The following ARFIP1 variants were observed in gnomAD, a reference collection of about 807,000 sequenced individuals.
ARFIP1 encodes the protein arfaptin-1.
Under a neutral mutation model 42.5 loss-of-function variants are expected in ARFIP1, and 24 were observed. That is an observed-to-expected ratio of 0.57 (90% CI 0.41 to 0.80). ARFIP1 has a LOEUF of 0.80. ARFIP1 is among the 30% of genes least tolerant of loss of function. The pLI, the probability that ARFIP1 is intolerant of heterozygous loss-of-function variation, is 0.00. For missense variants in ARFIP1, 354 were observed against 434.0 expected (o/e 0.82, Z 1.64); for synonymous variants, 141 against 153.7 (o/e 0.92, Z 0.61).
chr4:152,804,276 ATAAC>A (rs1384122355), intron 1 of ARFIP1, among the ~76,000 whole-genome samples: 4 of 88,654 alleles, frequency 4.5e-5, no homozygotes, highest in Non-Finnish European at 6.1e-5. Flanking sequence ...TATTATATAT[ATAAC>A]ATAACATGTA....
intron 8 of ARFIP1, among the ~76,000 whole-genome samples, chr4:152,889,774 C>CTA (rs1296430021): frequency 2.2e-4 from 8 of 35,972 alleles, no homozygotes; most frequent in South Asian, 1.0e-3. Context: ...ATACTATATA[C>CTA]TATATATACT....
At chr4:152,848,833 C>T (rs1161012702) in intron 2 of ARFIP1, among the ~76,000 whole-genome samples, 1 of 152,166 alleles carries the variant, frequency 6.6e-6, no homozygotes, top group Non-Finnish European at 1.5e-5. Flanking sequence ...CTAGGGTTTT[C>T]ATAGCATGTG....
intron 1 of ARFIP1, among the ~76,000 whole-genome samples, chr4:152,817,735 A>G (rs1730016390): frequency 6.6e-6 from 1 of 152,248 alleles, no homozygotes; most frequent in Non-Finnish European, 1.5e-5. Flanking sequence ...TATATAAAGG[A>G]CTTGTATAAC....
At chr4:152,823,250 G>A (rs879527346) in intron 1 of ARFIP1, among the ~76,000 whole-genome samples, 2 of 152,066 alleles carry the variant, frequency 1.3e-5, no homozygotes, top group Non-Finnish European at 2.9e-5. Flanking sequence ...AACATCATTC[G>A]AGACTACTGT....
At chr4:152,892,872 T>C (rs1163031245) in intron 8 of ARFIP1, among the ~76,000 whole-genome samples, 1 of 152,246 alleles carries the variant, frequency 6.6e-6, no homozygotes, top group Admixed American at 6.5e-5. Context: ...CATTGAGTTG[T>C]GTAGCAGTAA....
rs560130714 is a variant in ARFIP1, at chr4:152,865,172, C to T, written c.202+1458C>T. 5.3e-5 allele frequency among the ~76,000 whole-genome samples: 8 copies of T among 151,844 alleles called. No homozygotes were observed. The East Asian group carries it at 1.5e-3, about 29-fold the overall frequency. ...TTTTTTTTAAAGATGTAGTCTCACT[C>T]TGTTGCCCAGGCTGGAGTGCAGTGG... On this transcript the variant is annotated intron_variant, in intron 3 of 8. Transcript: ENST00000353617.
At chr4:152,816,100 T>C (rs778489949) in intron 1 of ARFIP1, among the ~76,000 whole-genome samples, 18 of 152,180 alleles carry the variant, frequency 1.2e-4, no homozygotes, top group Non-Finnish European at 2.2e-4. Context: ...GCTACTATCA[T>C]CTCTTGCCTA....
chr4:152,788,158 G>T (rs1254868671), intron 1 of ARFIP1, among the ~76,000 whole-genome samples: 2 of 152,106 alleles, frequency 1.3e-5, no homozygotes, highest in Non-Finnish European at 2.9e-5. Context: ...TTTGAACCTG[G>T]GAGGCAGAGG....
intron 8 of ARFIP1, among the ~76,000 whole-genome samples, chr4:152,908,481 G>A (rs1038271410): frequency 2.0e-5 from 3 of 151,952 alleles, no homozygotes; most frequent in South Asian, 2.1e-4. Context: ...GTGGTGGTGC[G>A]TGCCTGTAAT....
rs1230216852 is a variant in ARFIP1 at position 152,872,439 on chromosome 4, T to C, written c.299-13T>C. On this transcript the variant is annotated splice_polypyrimidine_tract_variant and intron_variant, in intron 4 of 8. Transcript: ENST00000353617. ...TCATCTGGATTGTGTTTTTATCTTTTGTTATCTTGCAGGTGGCCAGAGAAC... is the reference window on the plus strand; with the variant it reads ...TCATCTGGATTGTGTTTTTATCTTTCGTTATCTTGCAGGTGGCCAGAGAAC... 11 of 1,544,024 alleles carry C rather than the reference T, an allele frequency of 7.1e-6. No homozygotes were observed. In the South Asian group the frequency reaches 1.3e-4, roughly 18 times the overall value.
Position 152,911,305 on chromosome 4 carries a change from T to G in ARFIP1, c.*1086T>G, listed in dbSNP as rs1738830107. The G allele has an allele frequency of 6.6e-6, 1 of 152,654 alleles. No homozygotes were observed. The highest frequency in any genetic ancestry group is 6.5e-5 in the Admixed American group (1 of 15,284). 9.5% of individuals were successfully genotyped at this position (152,654 alleles called of 1,614,324 possible). On this transcript the variant is annotated 3_prime_UTR_variant, in exon 9 of 9. Transcript: ENST00000353617. ...GAGGTTTATGGTAAAAATCATCTTT[T>G]GAGTTTGCTCTTTGGTTTTTCTTCA...
At chr4:152,909,288 G>C (rs1033037759) in intron 8 of ARFIP1, among the ~76,000 whole-genome samples, 1 of 152,180 alleles carries the variant, frequency 6.6e-6, no homozygotes, top group African/African-American at 2.4e-5. Flanking sequence ...GGGAGGCCAA[G>C]ACATGAGAAT....
At chr4:152,788,308 C>A (rs1326437261) in intron 1 of ARFIP1, among the ~76,000 whole-genome samples, 3 of 152,120 alleles carry the variant, frequency 2.0e-5, no homozygotes, top group East Asian at 1.9e-4. Flanking sequence ...TTGTAATAGA[C>A]CCTTTTATTT....
chr4:152,797,696 TA>T (rs1181891579), intron 1 of ARFIP1, among the ~76,000 whole-genome samples: 2 of 152,338 alleles, frequency 1.3e-5, no homozygotes, highest in African/African-American at 4.8e-5. Flanking sequence ...TTAGTCTTTT[TA>T]TTGCTATTAT....
intron 2 of ARFIP1, among the ~76,000 whole-genome samples, chr4:152,845,893 G>A (rs1002559564): frequency 2.0e-5 from 3 of 152,126 alleles, no homozygotes; most frequent in Non-Finnish European, 4.4e-5. Context: ...ACATGCACTT[G>A]TATGTTCATC....
Position 152,879,632 on chromosome 4 carries a change from T to G in ARFIP1, c.412-1331T>G, listed in dbSNP as rs1735661621. 2.0e-5 allele frequency among the ~76,000 whole-genome samples: 3 copies of G among 152,074 alleles called. No individual in the cohort carries two copies. In the South Asian group the frequency reaches 6.2e-4, roughly 32 times the overall value. ...TGGGAGGCCAAGACGGGCAGATCAC[T>G]TGAGGTCAGGAGTTCGAGACCAGCC... On this transcript the variant is annotated intron_variant, in intron 5 of 8. Transcript: ENST00000353617.
intron 5 of ARFIP1, among the ~76,000 whole-genome samples, chr4:152,877,047 G>A (rs1735411713): frequency 6.6e-6 from 1 of 152,182 alleles, no homozygotes; most frequent in South Asian, 2.1e-4. Flanking sequence ...CCTCTGCTAG[G>A]GCAGTACAGA....
At chr4:152,829,370 A>G (rs922937708) in intron 1 of ARFIP1, among the ~76,000 whole-genome samples, 2 of 152,274 alleles carry the variant, frequency 1.3e-5, no homozygotes, top group South Asian at 4.1e-4. Flanking sequence ...AACACTATTT[A>G]AGAGGCAAGG....
chr4:152,801,775 C>T lies in ARFIP1; in HGVS notation c.-10+21549C>T, dbSNP rs542947796. Among the ~76,000 whole-genome samples the T allele has an allele frequency of 2.0e-3, 306 of 152,240 alleles. 1 individual carries two copies. The highest frequency in any genetic ancestry group is 3.4e-3 in the Non-Finnish European group (231 of 68,000). On this transcript the variant is annotated intron_variant, in intron 1 of 8. Transcript: ENST00000353617. ...GTAAATACTAGTATTATTGGAACTA[C>T]TTCAACATTTGTTCTGTTAGTCTTG...
Sources: gnomAD v4.1 joint callset for allele counts (sites outside exome capture counted in the v4.1 genomes callset) on GRCh38, gnomAD v4.1.1 for gene constraint, MANE v1.5 for transcripts, NCBI Gene and HGNC (gene_info 2026-07-23, HGNC 2026-07-21) for gene names.